UNC5D: variants seen among roughly 807,000 people sequenced by gnomAD.
UNC5D encodes netrin receptor UNC5D.
A neutral mutation model predicts 105.4 loss-of-function variants in UNC5D; 39 were observed. The observed-to-expected ratio is 0.37, with a 90% CI of 0.29 to 0.48. The LOEUF is 0.48. UNC5D is among the 20% of genes least tolerant of loss of function. UNC5D has a pLI of 0.98. For missense variants in UNC5D, 991 were observed against 1,202.4 expected, an observed-to-expected ratio of 0.82 and a Z score of 2.60; for synonymous variants, 452 against 450.4, an observed-to-expected ratio of 1.00 and a Z score of -0.04.
At chr8:35,557,527 A>G (rs1042667960) in intron 2 of UNC5D, among the ~76,000 whole-genome samples, 2 of 152,180 alleles carry the variant, frequency 1.3e-5, no homozygotes, top group Non-Finnish European at 2.9e-5. Context: ...TCATTTCTGT[A>G]TTTAATTTAC....
intron 1 of UNC5D, among the ~76,000 whole-genome samples, chr8:35,259,423 T>C (rs1804293655): frequency 6.6e-6 from 1 of 152,130 alleles, no homozygotes. Flanking sequence ...TGGAAAAGAA[T>C]TGGTTCCATC....
intron 1 of UNC5D, among the ~76,000 whole-genome samples, chr8:35,353,471 A>G (rs2128911787): frequency 6.6e-6 from 1 of 152,340 alleles, no homozygotes; most frequent in South Asian, 2.1e-4. Context: ...ATCTCCACGT[A>G]CATAATATTG....
At chr8:35,567,985 T>G (rs1367315520) in intron 2 of UNC5D, 113 bp from the exon 3 acceptor site, 2 of 1,477,656 alleles carry the variant, frequency 1.4e-6, no homozygotes, top group African/African-American at 1.4e-5. Context: ...AACCTTGCCT[T>G]GATTAAAAAC....
At chr8:35,467,182 C>T (rs186928171) in intron 1 of UNC5D, among the ~76,000 whole-genome samples, 271 of 152,204 alleles carry the variant, frequency 1.8e-3, no homozygotes, top group African/African-American at 6.1e-3. Flanking sequence ...TTTCTTAAGA[C>T]GAATTCCTTA....
chr8:35,343,414 C>T (rs1036810866), intron 1 of UNC5D, among the ~76,000 whole-genome samples: 2 of 152,060 alleles, frequency 1.3e-5, no homozygotes, highest in African/African-American at 4.8e-5. Context: ...CATCTGATTT[C>T]ATCGATCACT....
chr8:35,535,547 C>T (rs185557718), intron 1 of UNC5D, among the ~76,000 whole-genome samples: 71 of 151,590 alleles, frequency 4.7e-4, no homozygotes, highest in African/African-American at 1.3e-3. Context: ...AAACACACTA[C>T]GGCAAAGGCA....
chr8:35,247,512 C>A (rs1269915972), intron 1 of UNC5D, among the ~76,000 whole-genome samples: 1 of 122,596 alleles, frequency 8.2e-6, no homozygotes, highest in Non-Finnish European at 1.6e-5. Flanking sequence ...TAAATAACTT[C>A]TCTCTCTCTC....
chr8:35,764,726 A>T (rs911336587), intron 14 of UNC5D, among the ~76,000 whole-genome samples: 1 of 152,206 alleles, frequency 6.6e-6, no homozygotes, highest in African/African-American at 2.4e-5. Flanking sequence ...TTGTCAGCTG[A>T]TGGTACAAGC....
intron 13 of UNC5D, among the ~76,000 whole-genome samples, chr8:35,754,453 C>A (rs1201910524): frequency 1.3e-5 from 2 of 152,134 alleles, no homozygotes; most frequent in Non-Finnish European, 1.5e-5. Context: ...TGCTGTTAAC[C>A]AAAAGGACGC....
chr8:35,305,595 T>TTCTTTCTTTCTTTC (rs1241550048), intron 1 of UNC5D, among the ~76,000 whole-genome samples: 5 of 129,698 alleles, frequency 3.9e-5, no homozygotes, highest in Non-Finnish European at 6.7e-5. Flanking sequence ...CTTTCTTTCT[T>TTCTTTCTTTCTTTC]TCTTTCTTTC....
At chr8:35,416,638 T>C (rs1805551179) in intron 1 of UNC5D, among the ~76,000 whole-genome samples, 1 of 152,180 alleles carries the variant, frequency 6.6e-6, no homozygotes, top group African/African-American at 2.4e-5. Context: ...GTGTTTGACT[T>C]TGTGATATTT....
chr8:35,356,841 A>C (rs1397310163), intron 1 of UNC5D, among the ~76,000 whole-genome samples: 1 of 152,088 alleles, frequency 6.6e-6, no homozygotes, highest in Non-Finnish European at 1.5e-5. Flanking sequence ...TAAGTGACTA[A>C]TGGGTGGGGA....
At chr8:35,690,228 G>C (rs1258324153) in intron 7 of UNC5D, among the ~76,000 whole-genome samples, 2 of 152,196 alleles carry the variant, frequency 1.3e-5, no homozygotes, top group African/African-American at 4.8e-5. Context: ...GATTATTGAT[G>C]TAATTGAGAT....
At chr8:35,429,588 G>C (rs913989907) in intron 1 of UNC5D, among the ~76,000 whole-genome samples, 1 of 152,064 alleles carries the variant, frequency 6.6e-6, no homozygotes, top group Non-Finnish European at 1.5e-5. Flanking sequence ...GAGGAAATGA[G>C]TTATTTAAGC....
At chr8:35,359,074 C>A (rs1801718386) in intron 1 of UNC5D, among the ~76,000 whole-genome samples, 1 of 152,106 alleles carries the variant, frequency 6.6e-6, no homozygotes, top group African/African-American at 2.4e-5. Flanking sequence ...TCACTTGAGC[C>A]CAGTAGTTCG....
At chr8:35,238,433 A>T (rs1802602145) in intron 1 of UNC5D, among the ~76,000 whole-genome samples, 1 of 152,220 alleles carries the variant, frequency 6.6e-6, no homozygotes, top group Non-Finnish European at 1.5e-5. Flanking sequence ...TCAGATGAAC[A>T]TCTCTGCCTG....
At chr8:35,624,885 A>T (rs900515365) in intron 4 of UNC5D, among the ~76,000 whole-genome samples, 1 of 152,214 alleles carries the variant, frequency 6.6e-6, no homozygotes, top group African/African-American at 2.4e-5. Flanking sequence ...ATGTGACTAC[A>T]TAAACCTACT....
chr8:35,247,777 A>G (rs11779273), intron 1 of UNC5D, among the ~76,000 whole-genome samples: 7 of 66 alleles, frequency 0.11, 3 homozygotes, highest in African/African-American at 0.17. Context: ...TATATAATAT[A>G]TAAATATATA....
chr8:35,351,577 A>G (rs1267190361), intron 1 of UNC5D, among the ~76,000 whole-genome samples: 3 of 152,012 alleles, frequency 2.0e-5, no homozygotes, highest in Non-Finnish European at 4.4e-5. Context: ...AGACCCAAAC[A>G]ACTGTTCTTC....
Sources: allele counts gnomAD v4.1 joint callset (sites outside exome capture counted in the v4.1 genomes callset), GRCh38; gene constraint gnomAD v4.1.1; transcripts MANE v1.5; gene names NCBI Gene and HGNC (gene_info 2026-07-23, HGNC 2026-07-21).